Variants in TMPO observed in about 807,000 individuals in gnomAD.
The protein encoded by TMPO is LEM domain containing 4.
TMPO carries 22 observed loss-of-function variants against 45.4 expected under a neutral mutation model. That is an observed-to-expected ratio of 0.48 (90% CI 0.35 to 0.69). The LOEUF (loss-of-function observed/expected upper bound fraction) is 0.69, where lower values mean the gene tolerates loss of function less well. TMPO is among the 30% of genes least tolerant of loss of function. The pLI, the probability that TMPO is intolerant of heterozygous loss-of-function variation, is 0.01. For synonymous variants in TMPO, 241 were observed against 204.1 expected (o/e 1.18, Z -1.54); for missense variants, 512 against 548.8 (o/e 0.93, Z 0.67).
intron 8 of TMPO, 49 bp from the exon 9 acceptor site, chr12:98,547,524 A>T: frequency 6.2e-7 from 1 of 1,608,050 alleles, no homozygotes; most frequent in Non-Finnish European, 8.5e-7. Flanking sequence ...TCTCTAAATC[A>T]TGCCTTTATC....
intron 4 of TMPO, among the ~76,000 whole-genome samples, chr12:98,540,622 C>T (rs893610736): frequency 6.6e-6 from 1 of 152,220 alleles, no homozygotes; most frequent in African/African-American, 2.4e-5. Context: ...AGGTGATCCA[C>T]CCGCCTCAGC....
intron 3 of TMPO, chr12:98,533,289 G>A: frequency 6.2e-7 from 1 of 1,614,008 alleles, no homozygotes; most frequent in Non-Finnish European, 8.5e-7. Context: ...GTCCTGAGAG[G>A]TCCCATATTT....
Position 98,516,252 on chromosome 12 carries a change from A to G in TMPO, c.279+106A>G, listed in dbSNP as rs1875801093. The G allele has an allele frequency of 3.1e-6, 4 of 1,300,120 alleles. No individual in the cohort carries two copies. The South Asian group carries it at 7.2e-5, about 24-fold the overall frequency. The allele number at this position is 1,300,120 out of a possible 1,614,324, so 80.5% of individuals were successfully genotyped here. A position where few individuals can be genotyped will look rare whatever the true frequency, so the allele number is the denominator to read the frequency against. On this transcript the variant is annotated intron_variant, in intron 1 of 8. Coordinates refer to ENST00000556029, the MANE Select transcript of TMPO (RefSeq NM_001032283.3). ...TCCCGGGCGCCCCCTCGGGCCTCCCAGGTGCGGGGCTGTCCCTGCGCCCCC... is the reference window on the plus strand; with the variant it reads ...TCCCGGGCGCCCCCTCGGGCCTCCCGGGTGCGGGGCTGTCCCTGCGCCCCC...
chr12:98,531,373 A>T (rs989715724), intron 2 of TMPO, among the ~76,000 whole-genome samples: 5 of 150,692 alleles, frequency 3.3e-5, no homozygotes, highest in Non-Finnish European at 7.4e-5. Context: ...AGTAGCTGGG[A>T]TCACAGGCGT....
At chr12:98,543,797 T>TG (rs530494933) in intron 4 of TMPO, among the ~76,000 whole-genome samples, 438 of 152,366 alleles carry the variant, frequency 2.9e-3, no homozygotes, top group Non-Finnish European at 5.2e-3. Context: ...ATAATGTTTA[T>TG]GCTAACAATT....
chr12:98,516,867 T>C (rs2121102679), intron 1 of TMPO, among the ~76,000 whole-genome samples: 1 of 152,342 alleles, frequency 6.6e-6, no homozygotes, highest in South Asian at 2.1e-4. Context: ...TGGAGTGCAA[T>C]GGCGAGATCT....
chr12:98,540,230 T>G (rs1455057192), intron 4 of TMPO, among the ~76,000 whole-genome samples: 1 of 152,186 alleles, frequency 6.6e-6, no homozygotes, highest in Non-Finnish European at 1.5e-5. Flanking sequence ...GTAGAGTGGG[T>G]TAGATCTGTA....
At chr12:98,526,755 C>T (rs538767993) in intron 1 of TMPO, among the ~76,000 whole-genome samples, 1 of 151,910 alleles carries the variant, frequency 6.6e-6, no homozygotes, top group Non-Finnish European at 1.5e-5. Context: ...GTCAAGAGAT[C>T]GAGACCATTC....
intron 4 of TMPO, among the ~76,000 whole-genome samples, chr12:98,538,803 G>T (rs1877727485): frequency 6.6e-6 from 1 of 152,192 alleles, no homozygotes; most frequent in Non-Finnish European, 1.5e-5. Flanking sequence ...ACAGAGCATT[G>T]AATGAATGAA....
In TMPO at chr12:98,516,032, C is replaced by A. The variant is rs777669123; in HGVS notation, c.165C>A (p.Ala55=). 1 of 1,611,622 alleles carries A rather than the reference C, an allele frequency of 6.2e-7. No individual in the cohort carries two copies. The highest frequency in any genetic ancestry group is 8.5e-7 in the Non-Finnish European group (1 of 1,179,576). ...CTCGCAACCGGCCGCCGCTCCCCGCCGGCACCAACAGCAAGGGGCCCCCGG... is the reference window on the plus strand; with the variant it reads ...CTCGCAACCGGCCGCCGCTCCCCGCAGGCACCAACAGCAAGGGGCCCCCGG... ...LTARNRPPLP[A]GTNSKGPPDF... is the part of the protein sequence containing the mutation. Residue 55 remains alanine, a synonymous_variant, in exon 1 of 9, where the codon GCC becomes GCA. Coordinates refer to ENST00000556029, the MANE Select transcript of TMPO (RefSeq NM_001032283.3).
chr12:98,523,320 G>A lies in TMPO; in HGVS notation c.280-4566G>A, dbSNP rs905205227. 3.7e-4 allele frequency among the ~76,000 whole-genome samples: 56 copies of A among 152,128 alleles called. 2 individuals are homozygous for A. The highest frequency in any genetic ancestry group is 1.5e-5 in the Non-Finnish European group (1 of 68,020). On this transcript the variant is annotated intron_variant, in intron 1 of 8. Coordinates refer to ENST00000556029, the MANE Select transcript of TMPO (RefSeq NM_001032283.3). The stretch of plus-strand genomic sequence containing the variant: ...TGTAATCCCAGCACTTTGGGAGGCC[G>A]AGGCAGGTGGATCACCTGAGGTCAG...
chr12:98,519,099 G>C (rs1005669357), intron 1 of TMPO, among the ~76,000 whole-genome samples: 1 of 151,968 alleles, frequency 6.6e-6, no homozygotes, highest in East Asian at 1.9e-4. Context: ...AGCCAGGATG[G>C]CCTCGATCTC....
At chr12:98,547,077 A>C (rs1335670518) in intron 8 of TMPO, among the ~76,000 whole-genome samples, 4 of 104,856 alleles carry the variant, frequency 3.8e-5, no homozygotes, top group African/African-American at 1.6e-4. Flanking sequence ...GATGCATCGA[A>C]CTTTTTTTTT....
chr12:98,527,638 C>A, intron 1 of TMPO: 3 of 423,472 alleles, frequency 7.1e-6, no homozygotes, highest in South Asian at 2.9e-5. Flanking sequence ...GATAGGTAAT[C>A]CAAAATGGAC....
chr12:98,518,672 A>G (rs1447288475), intron 1 of TMPO, among the ~76,000 whole-genome samples: 1 of 151,684 alleles, frequency 6.6e-6, no homozygotes, highest in Non-Finnish European at 1.5e-5. Flanking sequence ...GTCCCCATCT[A>G]CCTTGTGTTC....
At chr12:98,526,385 T>G (rs1296145413) in intron 1 of TMPO, among the ~76,000 whole-genome samples, 1 of 152,206 alleles carries the variant, frequency 6.6e-6, no homozygotes, top group African/African-American at 2.4e-5. Context: ...GTAAGTCCCT[T>G]AATATAAAGT....
chr12:98,535,635 T>G (rs370031289), intron 3 of TMPO: 2 of 985,360 alleles, frequency 2.0e-6, no homozygotes, highest in African/African-American at 3.5e-5. Context: ...TTGAACAGTG[T>G]TGTGTGGTCT....
intron 1 of TMPO, chr12:98,516,537 C>T (rs561136821): frequency 3.3e-5 from 34 of 1,033,466 alleles, no homozygotes; most frequent in Non-Finnish European, 3.8e-5. Context: ...GAGCGTTTTC[C>T]CGCTTTATTA....
chr12:98,547,889 C>A lies in TMPO; in HGVS notation c.*31C>A. 6.2e-7 allele frequency: 1 copy of A among 1,609,900 alleles called. No individual in the cohort carries two copies. The highest frequency in any genetic ancestry group is 8.5e-7 in the Non-Finnish European group (1 of 1,177,854). ...ATCTCTTTGGCACGTTCAACTTGGT[C>A]TCCTATTTTCAATAACTGTTGAAAA... is the stretch of plus-strand genomic sequence containing the variant. On this transcript the variant is annotated 3_prime_UTR_variant, in exon 9 of 9. Transcript: ENST00000556029.
Sources: gnomAD v4.1 joint callset for allele counts (sites outside exome capture counted in the v4.1 genomes callset) on GRCh38, gnomAD v4.1.1 for gene constraint, MANE v1.5 for transcripts, NCBI Gene and HGNC (gene_info 2026-07-23, HGNC 2026-07-21) for gene names.